GRIA1: variants seen among roughly 807,000 people sequenced by gnomAD.
GRIA1 encodes the protein glutamate ionotropic receptor AMPA type subunit 1.
In GRIA1, 31 loss-of-function variants were observed where a neutral mutation model predicts 99.2. The ratio of observed to expected loss-of-function variants is 0.31; its 90% CI spans 0.23 to 0.42. GRIA1 has a LOEUF of 0.42. Ranked by LOEUF, GRIA1 falls within the 10% of genes least tolerant of loss-of-function variation. The pLI is 1.00. For synonymous variants in GRIA1, 438 were observed against 432.4 expected, an observed-to-expected ratio of 1.01 and a Z score of -0.16; for missense variants, 782 against 1,157.5, an observed-to-expected ratio of 0.68 and a Z score of 4.71.
At chr5:153,788,243 C>T (rs1765092925) in intron 13 of GRIA1, among the ~76,000 whole-genome samples, 1 of 152,138 alleles carries the variant, frequency 6.6e-6, no homozygotes, top group Non-Finnish European at 1.5e-5. Context: ...CATAACCAAT[C>T]TATCTCCCTT....
chr5:153,602,075 G>A (rs1765017962), intron 2 of GRIA1, among the ~76,000 whole-genome samples: 1 of 152,272 alleles, frequency 6.6e-6, no homozygotes, highest in Admixed American at 6.5e-5. Context: ...AAAGACACAT[G>A]CACACTTATG....
intron 5 of GRIA1, among the ~76,000 whole-genome samples, chr5:153,662,722 G>C (rs1755459661): frequency 6.6e-6 from 1 of 152,164 alleles, no homozygotes; most frequent in African/African-American, 2.4e-5. Context: ...AGCTGGGCTA[G>C]GATTTGGAGT....
intron 2 of GRIA1, among the ~76,000 whole-genome samples, chr5:153,582,862 G>A (rs937674473): frequency 2.0e-5 from 3 of 152,040 alleles, no homozygotes; most frequent in Admixed American, 6.6e-5. Context: ...TCAGTGGCAC[G>A]ATCACAGCTC....
At chr5:153,686,886 G>A (rs992894639) in intron 8 of GRIA1, among the ~76,000 whole-genome samples, 2 of 152,078 alleles carry the variant, frequency 1.3e-5, no homozygotes, top group African/African-American at 2.4e-5. Flanking sequence ...CTATGTGCCC[G>A]GGCCTCTGCC....
intron 5 of GRIA1, among the ~76,000 whole-genome samples, chr5:153,665,968 G>T (rs1049134477): frequency 2.6e-5 from 4 of 152,120 alleles, no homozygotes; most frequent in Non-Finnish European, 5.9e-5. Flanking sequence ...GGCTATACAG[G>T]TTGAGATAAT....
intron 2 of GRIA1, among the ~76,000 whole-genome samples, chr5:153,542,820 CT>C (rs895630331): frequency 2.1e-4 from 32 of 151,346 alleles, no homozygotes; most frequent in Non-Finnish European, 4.0e-4. Flanking sequence ...TCCATAGTGC[CT>C]TTTTTTTTCA....
At chr5:153,800,842 AAG>A (rs1171752741) in intron 14 of GRIA1, among the ~76,000 whole-genome samples, 2 of 152,224 alleles carry the variant, frequency 1.3e-5, no homozygotes, top group Non-Finnish European at 2.9e-5. Context: ...ACGTCAGTCG[AAG>A]AGTCTCTAGG....
intron 11 of GRIA1, among the ~76,000 whole-genome samples, chr5:153,708,057 T>C (rs1308956037): frequency 1.3e-5 from 2 of 152,186 alleles, no homozygotes; most frequent in Admixed American, 1.3e-4. Context: ...TTTATTTCCT[T>C]CATCAGTGAG....
At chr5:153,805,059 C>T (rs1766337638) in intron 15 of GRIA1, among the ~76,000 whole-genome samples, 1 of 152,120 alleles carries the variant, frequency 6.6e-6, no homozygotes, top group Non-Finnish European at 1.5e-5. Flanking sequence ...GCCTCTGATC[C>T]TCATTTTCTA....
At chr5:153,617,246 T>A (rs1186188338) in intron 2 of GRIA1, among the ~76,000 whole-genome samples, 1 of 152,182 alleles carries the variant, frequency 6.6e-6, no homozygotes, top group Non-Finnish European at 1.5e-5. Flanking sequence ...CATGCTACGC[T>A]CCTGTTTTTA....
At chr5:153,583,073 C>T (rs1279044352) in intron 2 of GRIA1, among the ~76,000 whole-genome samples, 1 of 152,140 alleles carries the variant, frequency 6.6e-6, no homozygotes, top group Non-Finnish European at 1.5e-5. Flanking sequence ...GCTGGGATTA[C>T]AGGCATGAGC....
rs1364903738 is a variant in GRIA1 at position 153,813,232 on chromosome 5, C to G, written c.*2007C>G. 2.0e-5 allele frequency: 3 copies of G among 152,216 alleles called. No homozygotes were observed. The highest frequency in any genetic ancestry group is 4.4e-5 in the Non-Finnish European group (3 of 68,052). 9.4% of individuals were successfully genotyped at this position (152,216 alleles called of 1,614,324 possible). Reference sequence around the variant, plus strand: ...TACTGCCAGCTGATGTCTCTCAGCCCCTGCCCTCATACAAGATTTTTCTCA... The same window carrying G: ...TACTGCCAGCTGATGTCTCTCAGCCGCTGCCCTCATACAAGATTTTTCTCA... On this transcript the variant is annotated 3_prime_UTR_variant, in exon 16 of 16. Transcript: ENST00000285900.
chr5:153,586,477 A>G (rs1402569044), intron 2 of GRIA1, among the ~76,000 whole-genome samples: 1 of 152,140 alleles, frequency 6.6e-6, no homozygotes, highest in African/African-American at 2.4e-5. Context: ...AATCAAGGCA[A>G]TTTTTCTCCA....
chr5:153,695,737 C>T (rs1195783981), intron 8 of GRIA1, among the ~76,000 whole-genome samples: 1 of 152,220 alleles, frequency 6.6e-6, no homozygotes, highest in South Asian at 2.1e-4. Context: ...AACAGCATCC[C>T]TCACAGGGAA....
intron 11 of GRIA1, among the ~76,000 whole-genome samples, chr5:153,741,373 A>G (rs955876411): frequency 5.9e-5 from 9 of 152,178 alleles, no homozygotes; most frequent in African/African-American, 2.2e-4. Flanking sequence ...AAATAAAACT[A>G]CCATATTATC....
intron 2 of GRIA1, among the ~76,000 whole-genome samples, chr5:153,612,747 T>G (rs1005138618): frequency 6.6e-6 from 1 of 152,178 alleles, no homozygotes; most frequent in African/African-American, 2.4e-5. Flanking sequence ...AACTTCAATT[T>G]AGTATTTTAC....
rs1764917532 is a variant in GRIA1 at position 153,601,121 on chromosome 5, G to A, written c.221-45807G>A. On this transcript the variant is annotated intron_variant, in intron 2 of 15. Coordinates refer to ENST00000285900, the MANE Select transcript of GRIA1 (RefSeq NM_000827.4). ...AGAATGATGATAAACAGCTAACACC[G>A]ACTGAGCACATGCTGGTGCCAGACC... 2.0e-5 allele frequency among the ~76,000 whole-genome samples: 3 copies of A among 152,128 alleles called. No individual in the cohort carries two copies. The South Asian group carries it at 6.2e-4, about 32-fold the overall frequency.
chr5:153,644,514 T>C (rs1753997645), intron 2 of GRIA1, among the ~76,000 whole-genome samples: 2 of 152,168 alleles, frequency 1.3e-5, no homozygotes, highest in African/African-American at 4.8e-5. Context: ...TTATTAAGCA[T>C]CTACCATGTC....
In GRIA1 at chr5:153,686,275, C is replaced by A. The variant is rs763967433; in HGVS notation, c.1080C>A (p.Arg360=). The A allele has an allele frequency of 1.4e-5, 22 of 1,613,884 alleles. No homozygotes were observed. Among genetic ancestry groups the A allele is most frequent in the Non-Finnish European group, 7.6e-6 (9 of 1,179,898 alleles). Reference sequence around the variant, plus strand: ...ACGTGCAGTTTAATGAGAAAGGACGCCGGACCAACTACACGCTCCACGTGA... The same window carrying A: ...ACGTGCAGTTTAATGAGAAAGGACGACGGACCAACTACACGCTCCACGTGA... ...TGNVQFNEKG[R]RTNYTLHVIE... is the part of the protein sequence containing the mutation. The change falls in exon 8 of 16, where the codon CGC becomes CGA. Residue 360 remains arginine (R), a synonymous_variant. Transcript: ENST00000285900.
Sources: allele counts gnomAD v4.1 joint callset (sites outside exome capture counted in the v4.1 genomes callset), GRCh38; gene constraint gnomAD v4.1.1; transcripts MANE v1.5; gene names NCBI Gene and HGNC (gene_info 2026-07-23, HGNC 2026-07-21).